Variants in SIRT1 observed in about 807,000 individuals in gnomAD.
SIRT1 encodes NAD-dependent protein deacetylase sirtuin-1.
In SIRT1, 24 loss-of-function variants were observed where a neutral mutation model predicts 67.9. The ratio of observed to expected loss-of-function variants is 0.35; its 90% confidence interval spans 0.26 to 0.50. The LOEUF is 0.50. Among genes scored for constraint, SIRT1 ranks in the 20% least tolerant of loss-of-function variants. SIRT1 has a pLI of 0.98. For synonymous variants in SIRT1, 378 were observed against 350.7 expected (o/e 1.08, Z -0.87); for missense variants, 873 against 937.2 (o/e 0.93, Z 0.89).
At chr10:67,908,153 T>C (rs1589081758) in intron 6 of SIRT1, 28 bp downstream of exon 6, 1 of 1,571,918 alleles carries the variant, frequency 6.4e-7, no homozygotes. Flanking sequence ...TTTTAGGAAT[T>C]GTTCATGTCT....
intron 4 of SIRT1, among the ~76,000 whole-genome samples, chr10:67,902,367 C>T (rs1285383849): frequency 2.6e-5 from 4 of 152,180 alleles, no homozygotes; most frequent in Non-Finnish European, 5.9e-5. Flanking sequence ...CCACCTCCAC[C>T]CCCTGCTAAT....
chr10:67,886,472 C>T (rs1319802870), intron 1 of SIRT1, among the ~76,000 whole-genome samples: 2 of 150,694 alleles, frequency 1.3e-5, no homozygotes, highest in Non-Finnish European at 1.5e-5. Flanking sequence ...CACCTTTAGT[C>T]CCAGGTACTA....
chr10:67,908,982 A>G (rs1045855600), intron 6 of SIRT1, among the ~76,000 whole-genome samples: 3 of 152,128 alleles, frequency 2.0e-5, no homozygotes, highest in Admixed American at 2.0e-4. Flanking sequence ...GTGTATATAC[A>G]CACATTATGT....
chr10:67,891,408 G>A lies in SIRT1; in HGVS notation c.796G>A (p.Val266Ile), dbSNP rs1564884263. The change falls in exon 4 of 9, where the codon GTT (valine) becomes ATT (isoleucine). Residue 266 changes from valine to isoleucine, a missense_variant. By Grantham distance (29) the Val-to-Ile change is conservative (BLOSUM62 3). Transcript: ENST00000212015. ...IIVLTGAGVSVSCGIPDFRSR... is the reference protein window; with the variant it reads ...IIVLTGAGVSISCGIPDFRSR... ...TATGCCATGCACATTTTAGGTGTCT[G>A]TTTCATGTGGAATACCTGACTTCAG... The A allele has an allele frequency of 6.2e-7, 1 of 1,613,754 alleles. No individual in the cohort carries two copies. The highest frequency in any genetic ancestry group is 8.5e-7 in the Non-Finnish European group (1 of 1,179,854).
chr10:67,902,469 A>G (rs1026482370), intron 4 of SIRT1, among the ~76,000 whole-genome samples: 1 of 152,254 alleles, frequency 6.6e-6, no homozygotes, highest in Non-Finnish European at 1.5e-5. Context: ...GTTCATAAAT[A>G]CAAACTTTTA....
intron 4 of SIRT1, among the ~76,000 whole-genome samples, chr10:67,900,238 C>T (rs1256348471): frequency 4.6e-5 from 7 of 151,816 alleles, no homozygotes; most frequent in African/African-American, 1.5e-4. Flanking sequence ...CTCTGCCTCC[C>T]GGGTTCAAGT....
At chr10:67,911,456 G>C (rs1449421595) in intron 7 of SIRT1, among the ~76,000 whole-genome samples, 1 of 151,960 alleles carries the variant, frequency 6.6e-6, no homozygotes, top group Non-Finnish European at 1.5e-5. Context: ...GCCTCTCAAA[G>C]CATTAGGATT....
chr10:67,913,563 G>A (rs1349871825), intron 8 of SIRT1, among the ~76,000 whole-genome samples: 1 of 152,268 alleles, frequency 6.6e-6, no homozygotes, highest in Non-Finnish European at 1.5e-5. Context: ...AAAAACACGC[G>A]TGATTCTTCT....
intron 8 of SIRT1, among the ~76,000 whole-genome samples, chr10:67,915,186 A>G (rs1166826349): frequency 6.6e-6 from 1 of 152,214 alleles, no homozygotes; most frequent in Admixed American, 6.5e-5. Flanking sequence ...ATGATGCAGT[A>G]TGAAAAAGTT....
Position 67,916,751 on chromosome 10 carries a change from A to AACTTCATTATTTCTGTACTTGTAC in SIRT1, c.*160_*183dup, listed in dbSNP as rs1404277183. ...AGATTGTTTTTCATGGATAATTTTT[A>AACTTCATTATTTCTGTACTTGTAC]ACTTCATTATTTCTGTACTTGTACA... On this transcript the variant is annotated 3_prime_UTR_variant, in exon 9 of 9. Transcript: ENST00000212015. 1 of 529,120 alleles carries AACTTCATTATTTCTGTACTTGTAC rather than the reference A, an allele frequency of 1.9e-6. No individual in the cohort carries two copies. The highest frequency in any genetic ancestry group is 1.9e-5 in the African/African-American group (1 of 52,690). 32.8% of individuals were successfully genotyped at this position (529,120 alleles called of 1,614,324 possible). A position where few individuals can be genotyped will look rare whatever the true frequency, so the allele number is the denominator to read the frequency against.
intron 8 of SIRT1, among the ~76,000 whole-genome samples, chr10:67,915,692 G>C (rs1337879605): frequency 6.6e-6 from 1 of 152,174 alleles, no homozygotes; most frequent in East Asian, 1.9e-4. Context: ...AGTTAAAATA[G>C]TTAATGAAGA....
In SIRT1 at chr10:67,899,229, T is replaced by G. The variant is rs572833819; in HGVS notation, c.943-7561T>G. Among the ~76,000 whole-genome samples, 28 of 151,958 alleles carry G rather than the reference T, an allele frequency of 1.8e-4. 2 individuals are homozygous for G. In the South Asian group the frequency reaches 5.8e-3, roughly 32 times the overall value. On this transcript the variant is annotated intron_variant, in intron 4 of 8. Transcript: ENST00000212015. ...TCCGAGCACTTTGGGATTTAGCTGA[T>G]TTGGCTGATTTATCATGCCACTGCC...
At chr10:67,906,373 G>C (rs1171420307) in intron 4 of SIRT1, 2 of 1,355,568 alleles carry the variant, frequency 1.5e-6, no homozygotes, top group South Asian at 1.4e-5. Context: ...AAATATTCTT[G>C]TATTGACAGT....
chr10:67,884,988 G>A lies in SIRT1; in HGVS notation c.267G>A (p.Glu89=). The A allele has an allele frequency of 1.6e-6, 2 of 1,276,084 alleles. No individual in the cohort carries two copies. Among genetic ancestry groups the A allele is most frequent in the South Asian group, 3.2e-5 (1 of 31,682 alleles). 79.0% of individuals were successfully genotyped at this position (1,276,084 alleles called of 1,614,324 possible). ...CAGAGGCGGCGGCGGCAGGCGGGGA[G>A]CAAGAGGCCCAGGCGACTGCGGCGG... ...AEAEAAAAGG[E]QEAQATAAAG... Residue 89 remains glutamate (E), a synonymous_variant, in exon 1 of 9, where the codon GAG becomes GAA. Coordinates refer to ENST00000212015, the MANE Select transcript of SIRT1 (RefSeq NM_012238.5).
Position 67,912,542 on chromosome 10 carries a change from G to A in SIRT1, c.1426G>A (p.Val476Ile). Reference protein sequence around the residue: ...REPLPHLHFDVELLGDCDVII... With the variant: ...REPLPHLHFDIELLGDCDVII... ...ACCTTTGCCTCATCTGCATTTTGAT[G>A]TAGAGCTTCTTGGAGACTGTGATGT... Residue 476 changes from valine (V) to isoleucine (I), a missense_variant, in exon 8 of 9, where the codon GTA becomes ATA. By Grantham distance (29) the Val-to-Ile change is conservative. Around this residue, in one of 3 missense-constraint regions of SIRT1, gnomAD observed 251 missense variants for 358.8 expected, o/e 0.70. Transcript: ENST00000212015. The A allele has an allele frequency of 6.2e-7, 1 of 1,614,104 alleles. No individual in the cohort carries two copies. Among genetic ancestry groups the A allele is most frequent in the Non-Finnish European group, 8.5e-7 (1 of 1,180,036 alleles).
intron 4 of SIRT1, among the ~76,000 whole-genome samples, chr10:67,901,391 T>G (rs1174664236): frequency 6.6e-6 from 1 of 152,184 alleles, no homozygotes; most frequent in East Asian, 1.9e-4. Context: ...TGCTACTTAC[T>G]TGCTCTTGTG....
At chr10:67,887,972 C>G (rs531768415) in intron 2 of SIRT1, among the ~76,000 whole-genome samples, 2 of 152,304 alleles carry the variant, frequency 1.3e-5, no homozygotes, top group East Asian at 1.9e-4. Flanking sequence ...TGTACACTTA[C>G]CACTTCTTGA....
chr10:67,900,950 C>T (rs1056660229), intron 4 of SIRT1, among the ~76,000 whole-genome samples: 1 of 152,082 alleles, frequency 6.6e-6, no homozygotes, highest in East Asian at 1.9e-4. Context: ...ATTATATATT[C>T]TTGAAGAGTT....
intron 4 of SIRT1, among the ~76,000 whole-genome samples, chr10:67,895,730 C>CTTTT (rs1564886152): frequency 3.2e-5 from 3 of 94,078 alleles, no homozygotes; most frequent in African/African-American, 3.9e-5. Flanking sequence ...TGAGAATTAA[C>CTTTT]TTGTTTTTTT....
Sources: allele counts gnomAD v4.1 joint callset (sites outside exome capture counted in the v4.1 genomes callset), GRCh38; gene constraint gnomAD v4.1.1; regional missense constraint gnomAD v4.1.1; transcripts MANE v1.5; gene names NCBI Gene and HGNC (gene_info 2026-07-23, HGNC 2026-07-21).